POLR3B: variants seen among roughly 807,000 people sequenced by gnomAD.
POLR3B encodes the protein DNA-directed RNA polymerase III subunit RPC2.
In POLR3B, 96 loss-of-function variants were observed where a neutral mutation model predicts 147.4. That is an observed-to-expected ratio of 0.65 (90% CI 0.55 to 0.77). The LOEUF (loss-of-function observed/expected upper bound fraction) is 0.77. POLR3B is among the 30% of genes least tolerant of loss of function. The pLI is 0.00. For missense variants in POLR3B, 1,036 were observed against 1,413.5 expected (o/e 0.73, Z 4.28); for synonymous variants, 461 against 485.9 (o/e 0.95, Z 0.67).
Position 106,454,561 on chromosome 12 carries a change from C to T in POLR3B, c.2143C>T (p.Pro715Ser). Residue 715 changes from proline (P) to serine (S), a missense_variant, in exon 20 of 28, where the codon CCA becomes TCA. Physicochemically the swap from Pro to Ser is moderately conservative, Grantham distance 74. Transcript: ENST00000228347. ...TACTCTCATGTATCTACTAGCATAT[C>T]CACAAAAACCCATGGTTAAGACAAA... The part of the protein sequence containing the change: ...IDTLMYLLAY[P>S]QKPMVKTKTI... The T allele has an allele frequency of 1.2e-6, 2 of 1,608,612 alleles. No homozygotes were observed. Among genetic ancestry groups the T allele is most frequent in the Non-Finnish European group, 1.7e-6 (2 of 1,175,196 alleles).
intron 23 of POLR3B, among the ~76,000 whole-genome samples, chr12:106,487,229 A>G (rs998589224): frequency 2.0e-5 from 3 of 152,174 alleles, no homozygotes; most frequent in African/African-American, 7.2e-5. Context: ...TTTTCAGGGT[A>G]TATGTGTCAC....
At chr12:106,424,228 A>G (rs1480597703) in intron 12 of POLR3B, among the ~76,000 whole-genome samples, 1 of 152,014 alleles carries the variant, frequency 6.6e-6, no homozygotes, top group African/African-American at 2.4e-5. Flanking sequence ...TTAAATCTAG[A>G]GGATAGATGG....
intron 9 of POLR3B, among the ~76,000 whole-genome samples, chr12:106,381,609 CT>C (rs2036764842): frequency 6.6e-6 from 1 of 152,212 alleles, no homozygotes; most frequent in South Asian, 2.1e-4. Flanking sequence ...CCCACCACAT[CT>C]GCAGCTACTT....
chr12:106,358,128 G>T (rs1036699567), intron 1 of POLR3B, 177 bp downstream of exon 1: 4 of 1,480,058 alleles, frequency 2.7e-6, no homozygotes, highest in African/African-American at 3.0e-5. Context: ...GCCTCCGCGT[G>T]CGCGAGTGAA....
At chr12:106,495,533 G>C (rs1213289697) in intron 23 of POLR3B, among the ~76,000 whole-genome samples, 1 of 152,176 alleles carries the variant, frequency 6.6e-6, no homozygotes, top group Non-Finnish European at 1.5e-5. Context: ...CCTATAGGTA[G>C]ACCTGTTAGC....
intron 10 of POLR3B, among the ~76,000 whole-genome samples, chr12:106,403,729 A>G (rs1001067547): frequency 2.0e-5 from 3 of 146,706 alleles, no homozygotes; most frequent in Non-Finnish European, 4.5e-5. Flanking sequence ...CAAACACCAC[A>G]TGTTCTCACT....
Position 106,485,139 on chromosome 12 carries a change from G to A in POLR3B, c.2714-10916G>A, listed in dbSNP as rs145593853. ...ATTTGGCTTATGGTTCTAAAGACTT[G>A]GAAGTGGAGGAGCGTGGCACCAGCA... On this transcript the variant is annotated intron_variant, in intron 23 of 27. Coordinates refer to ENST00000228347, the MANE Select transcript of POLR3B (RefSeq NM_018082.6). Among the ~76,000 whole-genome samples, 797 of 152,284 alleles carry A rather than the reference G, an allele frequency of 5.2e-3. 10 individuals are homozygous for A. The highest frequency in any genetic ancestry group is 0.019 in the African/African-American group (769 of 41,552).
chr12:106,464,849 C>T (rs1053778812), intron 23 of POLR3B, among the ~76,000 whole-genome samples: 2 of 152,134 alleles, frequency 1.3e-5, no homozygotes, highest in African/African-American at 4.8e-5. Flanking sequence ...GTATACCCAG[C>T]CTTAGTTGTC....
intron 11 of POLR3B, among the ~76,000 whole-genome samples, chr12:106,407,622 G>C (rs2037166858): frequency 1.3e-5 from 2 of 152,164 alleles, no homozygotes; most frequent in Non-Finnish European, 2.9e-5. Flanking sequence ...CTGAGGTCAG[G>C]AGTTTGAGAC....
In POLR3B at chr12:106,358,153, G is replaced by A. The variant is rs898119278; in HGVS notation, c.72+202G>A. ...GCGCGAGTGAAGGCTGATCCCAGAG[G>A]AGCTGTCAGCCGCTGCGGGGGCCGA... On this transcript the variant is annotated intron_variant, in intron 1 of 27. Transcript: ENST00000228347. The A allele has an allele frequency of 1.3e-5, 19 of 1,451,378 alleles. No individual in the cohort carries two copies. In the South Asian group the frequency reaches 2.6e-4, roughly 20 times the overall value. The allele number at this position is 1,451,378 out of a possible 1,614,324, so 89.9% of individuals were successfully genotyped here. A position where few individuals can be genotyped will look rare whatever the true frequency, so the allele number is the denominator to read the frequency against.
Position 106,407,026 on chromosome 12 carries a change from A to G in POLR3B, c.966+1050A>G, listed in dbSNP as rs143329033. Among the ~76,000 whole-genome samples the G allele has an allele frequency of 8.0e-3, 1,218 of 152,318 alleles. 17 individuals carry two copies. Among genetic ancestry groups the G allele is most frequent in the Non-Finnish European group, 0.012 (790 of 68,024 alleles). On this transcript the variant is annotated intron_variant, in intron 11 of 27. Transcript: ENST00000228347. ...ATGCATCCAGATCCGATTTTCCTGTATTAAAACACCCTTCAATCCAAATAA... is the reference window on the plus strand; with the variant it reads ...ATGCATCCAGATCCGATTTTCCTGTGTTAAAACACCCTTCAATCCAAATAA...
At chr12:106,433,621 C>A in intron 15 of POLR3B, 98 bp from the exon 16 acceptor site, 1 of 937,044 alleles carries the variant, frequency 1.1e-6, no homozygotes, top group Non-Finnish European at 1.6e-6. Context: ...TTTCAAATAA[C>A]TGCTTAGTGC....
intron 23 of POLR3B, among the ~76,000 whole-genome samples, chr12:106,464,522 C>T (rs1249632864): frequency 6.6e-6 from 1 of 152,150 alleles, no homozygotes; most frequent in East Asian, 1.9e-4. Flanking sequence ...TGAACCTTGG[C>T]AGCTTGGCTC....
At chr12:106,477,393 C>A (rs1385829193) in intron 23 of POLR3B, among the ~76,000 whole-genome samples, 1 of 127,644 alleles carries the variant, frequency 7.8e-6, no homozygotes, top group Non-Finnish European at 1.6e-5. Flanking sequence ...GGGCTCCACC[C>A]AGTTCGAGCT....
At chr12:106,453,103 C>A (rs1486904961) in intron 19 of POLR3B, among the ~76,000 whole-genome samples, 1 of 150,520 alleles carries the variant, frequency 6.6e-6, no homozygotes, top group Non-Finnish European at 1.5e-5. Context: ...TAGCTCACTG[C>A]AACCTCTACT....
chr12:106,399,788 G>A (rs571929129), intron 10 of POLR3B, among the ~76,000 whole-genome samples: 2 of 152,248 alleles, frequency 1.3e-5, no homozygotes, highest in East Asian at 3.9e-4. Context: ...GAGAGACTTT[G>A]TCACCACCAG....
intron 23 of POLR3B, among the ~76,000 whole-genome samples, chr12:106,465,415 T>C (rs1196119434): frequency 6.6e-6 from 1 of 152,128 alleles, no homozygotes; most frequent in African/African-American, 2.4e-5. Context: ...ATGCAAAGAG[T>C]TGCAGACTTG....
chr12:106,450,990 A>G (rs1302869925), intron 19 of POLR3B, among the ~76,000 whole-genome samples: 1 of 152,220 alleles, frequency 6.6e-6, no homozygotes, highest in Non-Finnish European at 1.5e-5. Flanking sequence ...TATTTATACA[A>G]TACTAAGCCA....
At chr12:106,472,557 A>C (rs2038108246) in intron 23 of POLR3B, among the ~76,000 whole-genome samples, 2 of 151,126 alleles carry the variant, frequency 1.3e-5, no homozygotes, top group African/African-American at 4.9e-5. Context: ...TTGCCATTCT[A>C]ACTGGTGTGA....
Sources: gnomAD v4.1 joint callset for allele counts (sites outside exome capture counted in the v4.1 genomes callset) on GRCh38, gnomAD v4.1.1 for gene constraint, MANE v1.5 for transcripts, NCBI Gene and HGNC (gene_info 2026-07-23, HGNC 2026-07-21) for gene names.